Variants in IMMP2L observed in about 807,000 individuals in gnomAD.
The protein encoded by IMMP2L is inner mitochondrial membrane peptidase subunit 2.
In IMMP2L, 18 loss-of-function variants were observed where a neutral mutation model predicts 19.3. That is an observed-to-expected ratio of 0.93 (90% confidence interval 0.64 to 1.38). The LOEUF (loss-of-function observed/expected upper bound fraction) is 1.38, where lower values mean the gene tolerates loss of function less well. Among genes scored for constraint, IMMP2L ranks in the 40% most tolerant of loss-of-function variants. The pLI is 0.00. For missense variants in IMMP2L, 233 were observed against 218.2 expected, an observed-to-expected ratio of 1.07 and a Z score of -0.43; for synonymous variants, 76 against 73.0, an observed-to-expected ratio of 1.04 and a Z score of -0.21.
intron 3 of IMMP2L, among the ~76,000 whole-genome samples, chr7:111,485,487 A>G (rs577948116): frequency 1.3e-3 from 198 of 149,892 alleles, no homozygotes; most frequent in African/African-American, 4.7e-3. Context: ...AGTCCCAACT[A>G]CTCAGGAGGC....
At chr7:111,105,144 T>G (rs1395317473) in intron 3 of IMMP2L, among the ~76,000 whole-genome samples, 5 of 151,848 alleles carry the variant, frequency 3.3e-5, no homozygotes, top group Non-Finnish European at 7.4e-5. Flanking sequence ...ATATGTGTTT[T>G]CAAATAAAAT....
At chr7:111,146,074 A>C (rs774019378) in intron 3 of IMMP2L, among the ~76,000 whole-genome samples, 14 of 152,138 alleles carry the variant, frequency 9.2e-5, no homozygotes, top group Non-Finnish European at 1.8e-4. Flanking sequence ...ATATAAAAAT[A>C]AGTGAAGAGA....
At chr7:111,179,024 C>A (rs1029911362) in intron 3 of IMMP2L, among the ~76,000 whole-genome samples, 1 of 151,972 alleles carries the variant, frequency 6.6e-6, no homozygotes, top group Non-Finnish European at 1.5e-5. Context: ...ATAGCTAGAG[C>A]CTTACAAAAT....
At chr7:111,032,780 C>G (rs915002443) in intron 3 of IMMP2L, among the ~76,000 whole-genome samples, 1 of 151,890 alleles carries the variant, frequency 6.6e-6, no homozygotes, top group Non-Finnish European at 1.5e-5. Flanking sequence ...CAAGATTGCT[C>G]CACTGCATTC....
intron 3 of IMMP2L, among the ~76,000 whole-genome samples, chr7:111,393,119 G>C (rs1308159752): frequency 4.6e-5 from 7 of 152,008 alleles, no homozygotes; most frequent in Admixed American, 2.6e-4. Flanking sequence ...ATCAAGGCTT[G>C]GTCTGTTGGG....
intron 3 of IMMP2L, among the ~76,000 whole-genome samples, chr7:111,359,591 C>T (rs573442498): frequency 3.3e-5 from 5 of 152,088 alleles, no homozygotes; most frequent in African/African-American, 7.2e-5. Context: ...CGTAAGTCAC[C>T]GTGCCCGGCC....
intron 5 of IMMP2L, among the ~76,000 whole-genome samples, chr7:110,778,426 T>G (rs1459585535): frequency 6.6e-6 from 1 of 152,014 alleles, no homozygotes; most frequent in East Asian, 1.9e-4. Flanking sequence ...TAATCTCTTA[T>G]GATGCACGTA....
rs1790684868 is a variant in IMMP2L, at chr7:111,030,810, ATATG to A, written c.240-67249_240-67246del. ...TATATATGTGTATGTGTGTACATACATATGTGTGTATATGTGTCTGTGTATATAT... is the reference window on the plus strand; with the variant it reads ...TATATATGTGTATGTGTGTACATACATGTGTATATGTGTCTGTGTATATAT... On this transcript the variant is annotated intron_variant, in intron 3 of 5. Coordinates refer to ENST00000405709, the MANE Select transcript of IMMP2L (RefSeq NM_032549.4). Among the ~76,000 whole-genome samples the A allele has an allele frequency of 3.3e-5, 5 of 150,908 alleles. No individual in the cohort carries two copies. In the South Asian group the frequency reaches 1.1e-3, roughly 32 times the overall value.
chr7:110,913,099 C>A (rs1197912713), intron 4 of IMMP2L, among the ~76,000 whole-genome samples: 1 of 152,054 alleles, frequency 6.6e-6, no homozygotes, highest in African/African-American at 2.4e-5. Flanking sequence ...AATATAAAGT[C>A]TGACTTAGGA....
At position 111,408,042 on chromosome 7, in the gene IMMP2L, G is replaced by A. The variant is rs938409823; in HGVS notation, c.239+79196C>T. ...AACTCAGGCATGGGAAAATTAAATA[G>A]CATGCTCAAGGTCATAGAACTAAAT... On this transcript the variant is annotated intron_variant, in intron 3 of 5. Transcript: ENST00000405709. 4.0e-5 allele frequency among the ~76,000 whole-genome samples: 6 copies of A among 151,894 alleles called. No individual in the cohort carries two copies. In the East Asian group the frequency reaches 1.2e-3, roughly 29 times the overall value.
chr7:110,787,939 T>C (rs1377271191), intron 5 of IMMP2L, among the ~76,000 whole-genome samples: 1 of 151,882 alleles, frequency 6.6e-6, no homozygotes, highest in Non-Finnish European at 1.5e-5. Context: ...AGAATACAGG[T>C]CTATATGAGG....
At chr7:111,044,653 A>T (rs768591027) in intron 3 of IMMP2L, among the ~76,000 whole-genome samples, 1 of 152,220 alleles carries the variant, frequency 6.6e-6, no homozygotes. Context: ...ATCTACTGTC[A>T]TATTTCTTAA....
At chr7:111,163,583 C>G (rs1284695617) in intron 3 of IMMP2L, among the ~76,000 whole-genome samples, 2 of 151,976 alleles carry the variant, frequency 1.3e-5, no homozygotes, top group African/African-American at 4.8e-5. Flanking sequence ...TAAATTAAAC[C>G]CTAAGTGGCT....
intron 5 of IMMP2L, among the ~76,000 whole-genome samples, chr7:110,814,692 C>G (rs967306151): frequency 2.1e-5 from 3 of 145,768 alleles, no homozygotes; most frequent in Non-Finnish European, 4.5e-5. Context: ...AACAATTGGT[C>G]AAGTACAGAT....
chr7:111,176,370 G>A (rs1455803967), intron 3 of IMMP2L, among the ~76,000 whole-genome samples: 2 of 151,972 alleles, frequency 1.3e-5, no homozygotes, highest in Non-Finnish European at 2.9e-5. Flanking sequence ...AAGCAACCTA[G>A]ATTTCTATCA....
intron 3 of IMMP2L, among the ~76,000 whole-genome samples, chr7:111,439,205 A>C (rs1837481452): frequency 6.6e-6 from 1 of 151,802 alleles, no homozygotes; most frequent in Admixed American, 6.6e-5. Context: ...TCCACGGCTA[A>C]TCCCTTCATC....
intron 3 of IMMP2L, among the ~76,000 whole-genome samples, chr7:111,458,849 C>A (rs1203961265): frequency 1.3e-5 from 2 of 152,142 alleles, no homozygotes; most frequent in African/African-American, 4.8e-5. Flanking sequence ...CAGGATATGT[C>A]TCCTTGAATG....
At chr7:110,899,624 A>G (rs1441386335) in intron 4 of IMMP2L, among the ~76,000 whole-genome samples, 2 of 152,174 alleles carry the variant, frequency 1.3e-5, no homozygotes, top group Non-Finnish European at 2.9e-5. Flanking sequence ...CCAGACTACC[A>G]GCATTCATAT....
intron 5 of IMMP2L, among the ~76,000 whole-genome samples, chr7:110,820,028 T>A (rs1569123): frequency 0.038 from 5,722 of 152,130 alleles, 347 homozygotes; most frequent in African/African-American, 0.13. Flanking sequence ...TCTGGTAACA[T>A]TCTAAAATGT....
Sources: allele counts gnomAD v4.1 joint callset (sites outside exome capture counted in the v4.1 genomes callset), GRCh38; gene constraint gnomAD v4.1.1; transcripts MANE v1.5; gene names NCBI Gene and HGNC (gene_info 2026-07-23, HGNC 2026-07-21).